SBF2: variants seen among roughly 807,000 people sequenced by gnomAD.
SBF2 encodes the protein SET binding factor 2, also known as myotubularin-related protein 13.
SBF2 carries 112 observed loss-of-function variants against 225.2 expected under a neutral mutation model. That is an observed-to-expected ratio of 0.50 (90% confidence interval 0.43 to 0.58). SBF2 has a LOEUF of 0.58. Among genes scored for constraint, SBF2 ranks in the 20% least tolerant of loss-of-function variants. SBF2 has a pLI of 0.00. For missense variants in SBF2, 1,996 were observed against 2,206.2 expected, an observed-to-expected ratio of 0.90 and a Z score of 1.91; for synonymous variants, 763 against 773.3, an observed-to-expected ratio of 0.99 and a Z score of 0.22.
chr11:10,139,826 C>T (rs1954558728), intron 2 of SBF2, among the ~76,000 whole-genome samples: 1 of 152,208 alleles, frequency 6.6e-6, no homozygotes, highest in South Asian at 2.1e-4. Flanking sequence ...CAGCCTTCTA[C>T]ATAGCTCCTT....
chr11:9,870,705 GT>G (rs1443054230), intron 17 of SBF2, among the ~76,000 whole-genome samples: 2 of 152,190 alleles, frequency 1.3e-5, no homozygotes, highest in Admixed American at 6.5e-5. Context: ...GCCGGGCACA[GT>G]GGCTCATGCC....
chr11:10,094,719 GTCT>G (rs1444536709), intron 2 of SBF2, among the ~76,000 whole-genome samples: 2 of 151,690 alleles, frequency 1.3e-5, no homozygotes, highest in Non-Finnish European at 2.9e-5. Context: ...GGCCAGGCTG[GTCT>G]TCAACTCCCG....
intron 1 of SBF2, among the ~76,000 whole-genome samples, chr11:10,276,390 G>GTAAAATA (rs1416979734): frequency 6.6e-6 from 1 of 152,224 alleles, no homozygotes; most frequent in East Asian, 1.9e-4. Context: ...GGTTGGCCTA[G>GTAAAATA]TAAAATAGTT....
intron 17 of SBF2, among the ~76,000 whole-genome samples, chr11:9,890,197 T>C (rs944369241): frequency 6.6e-6 from 1 of 152,080 alleles, no homozygotes; most frequent in Non-Finnish European, 1.5e-5. Context: ...GAACCATCAC[T>C]CCTGGCCTAT....
intron 1 of SBF2, among the ~76,000 whole-genome samples, chr11:10,276,906 G>A (rs1487325661): frequency 6.6e-6 from 1 of 151,986 alleles, no homozygotes; most frequent in African/African-American, 2.4e-5. Flanking sequence ...TTAGAACAAG[G>A]AACACAACAC....
chr11:10,019,258 A>G (rs1948756989), intron 6 of SBF2, among the ~76,000 whole-genome samples: 1 of 152,224 alleles, frequency 6.6e-6, no homozygotes, highest in African/African-American at 2.4e-5. Context: ...CATTTATTAG[A>G]AAGAAATTAC....
chr11:10,014,469 A>T (rs1275070702), intron 6 of SBF2, among the ~76,000 whole-genome samples: 1 of 150,774 alleles, frequency 6.6e-6, no homozygotes, highest in Non-Finnish European at 1.5e-5. Context: ...TGTATTACAC[A>T]TAAAAGAGCT....
chr11:9,931,151 T>A (rs1217744463), intron 16 of SBF2, among the ~76,000 whole-genome samples: 1 of 152,274 alleles, frequency 6.6e-6, no homozygotes, highest in Non-Finnish European at 1.5e-5. Flanking sequence ...CTACTGCCTC[T>A]ATGGACTCCA....
chr11:10,022,298 T>C (rs1340878546), intron 6 of SBF2, among the ~76,000 whole-genome samples: 1 of 152,142 alleles, frequency 6.6e-6, no homozygotes, highest in Non-Finnish European at 1.5e-5. Flanking sequence ...TATTCCAGAA[T>C]CAATACACAT....
intron 2 of SBF2, among the ~76,000 whole-genome samples, chr11:10,119,253 T>C (rs996205479): frequency 6.6e-6 from 1 of 152,152 alleles, no homozygotes; most frequent in African/African-American, 2.4e-5. Context: ...TAGTACTTCC[T>C]GTTCCGCTTG....
At position 9,962,071 on chromosome 11, in the gene SBF2, CT is replaced by C; in HGVS notation, c.1745del (p.Lys582ArgfsTer22). ...CATCAGTGAGACACTGTCTTGCTGC[CT>C]TTCCTTTAAGGGCTCTGAGTGCAGC... ...LPAALRALKG[K>X]AARQCLTDEL... On this transcript the variant is annotated frameshift_variant, in exon 16 of 40. Coordinates refer to ENST00000256190, the MANE Select transcript of SBF2 (RefSeq NM_030962.4). LOFTEE classifies it high-confidence loss of function. 6.2e-7 allele frequency: 1 copy of C among 1,614,114 alleles called. No homozygotes were observed. Among genetic ancestry groups the C allele is most frequent in the Non-Finnish European group, 8.5e-7 (1 of 1,179,990 alleles).
chr11:9,801,584 G>C (rs997595747), intron 32 of SBF2, among the ~76,000 whole-genome samples: 5 of 152,188 alleles, frequency 3.3e-5, no homozygotes, highest in Non-Finnish European at 7.4e-5. Flanking sequence ...CCCTAGGAGA[G>C]TGTATAGCTA....
chr11:9,786,896 T>G (rs189103443), intron 36 of SBF2, among the ~76,000 whole-genome samples: 2 of 152,238 alleles, frequency 1.3e-5, no homozygotes, highest in Admixed American at 6.5e-5. Context: ...TTAAAATATA[T>G]ATATACATTT....
chr11:9,823,176 T>C (rs966178490), intron 28 of SBF2, among the ~76,000 whole-genome samples: 2 of 152,238 alleles, frequency 1.3e-5, no homozygotes, highest in African/African-American at 4.8e-5. Context: ...TGTTTCCCCA[T>C]TGGGCTTAAA....
chr11:9,909,046 G>C (rs1194846259), intron 16 of SBF2, among the ~76,000 whole-genome samples: 2 of 151,864 alleles, frequency 1.3e-5, no homozygotes, highest in African/African-American at 4.8e-5. Flanking sequence ...TTAGTCATAA[G>C]GCCTTTTGAG....
At chr11:10,242,983 C>T (rs1383797891) in intron 1 of SBF2, among the ~76,000 whole-genome samples, 1 of 151,964 alleles carries the variant, frequency 6.6e-6, no homozygotes, top group Admixed American at 6.6e-5. Flanking sequence ...ATCAAATAAA[C>T]CTAACAGACA....
rs748244819 is a variant in SBF2, at chr11:9,852,662, T to C, written c.2610+14A>G. On this transcript the variant is annotated intron_variant, in intron 21 of 39. Transcript: ENST00000256190. ...AGAGAGGCTATACCCTGAAAGCATG[T>C]AGTCTGGAATTACCTTCTGAATAGG... is the stretch of plus-strand genomic sequence containing the variant. 1 of 1,593,170 alleles carries C rather than the reference T, an allele frequency of 6.3e-7. No homozygotes were observed. Among genetic ancestry groups the C allele is most frequent in the Admixed American group, 1.7e-5 (1 of 59,980 alleles).
At chr11:10,013,221 T>C (rs929090665) in intron 6 of SBF2, among the ~76,000 whole-genome samples, 4 of 152,280 alleles carry the variant, frequency 2.6e-5, no homozygotes, top group Admixed American at 1.3e-4. Context: ...GCATCTGACG[T>C]TTTTCTCCTT....
At chr11:10,072,757 G>A (rs7931957) in intron 2 of SBF2, among the ~76,000 whole-genome samples, 24,252 of 145,492 alleles carry the variant, frequency 0.17, 2,229 homozygotes, top group East Asian at 0.28. Flanking sequence ...TTGGAGACAG[G>A]GTCTCATTCT....
Sources: gnomAD v4.1 joint callset for allele counts (sites outside exome capture counted in the v4.1 genomes callset) on GRCh38, gnomAD v4.1.1 for gene constraint, MANE v1.5 for transcripts, NCBI Gene and HGNC (gene_info 2026-07-23, HGNC 2026-07-21) for gene names.